Variants in AFF3 observed in about 807,000 individuals in gnomAD.
AFF3 encodes the protein ALF transcription elongation factor 3, also known as AF4/FMR2 family member 3.
AFF3 carries 32 observed loss-of-function variants against 129.7 expected under a neutral mutation model. The ratio of observed to expected loss-of-function variants is 0.25; its 90% confidence interval spans 0.19 to 0.33. AFF3 has a LOEUF of 0.33. Among genes scored for constraint, AFF3 ranks in the 10% least tolerant of loss-of-function variants. The probability of loss-of-function intolerance (pLI) is 1.00; values close to 1 mark genes in which losing one functional copy is unlikely to be tolerated. For synonymous variants in AFF3, 644 were observed against 635.4 expected (o/e 1.01, Z -0.20); for missense variants, 1,373 against 1,592.0 (o/e 0.86, Z 2.34).
intron 7 of AFF3, among the ~76,000 whole-genome samples, chr2:99,903,458 A>G (rs1440440776): frequency 1.3e-5 from 2 of 152,186 alleles, no homozygotes; most frequent in Non-Finnish European, 2.9e-5. Flanking sequence ...CAATTATAAA[A>G]TGATTGGCAC....
intron 7 of AFF3, among the ~76,000 whole-genome samples, chr2:99,977,553 T>C (rs1309727272): frequency 1.3e-5 from 2 of 152,264 alleles, no homozygotes; most frequent in African/African-American, 4.8e-5. Context: ...TTTTTCCTTC[T>C]TGAGGAAAGC....
chr2:100,090,359 T>C (rs1249758740), intron 4 of AFF3, among the ~76,000 whole-genome samples: 1 of 152,256 alleles, frequency 6.6e-6, no homozygotes, highest in African/African-American at 2.4e-5. Flanking sequence ...GTTGTTACCA[T>C]TGTCTTCATC....
intron 10 of AFF3, among the ~76,000 whole-genome samples, chr2:99,740,589 T>C (rs1041371865): frequency 2.2e-4 from 34 of 151,622 alleles, no homozygotes; most frequent in Non-Finnish European, 2.9e-4. Context: ...TTTCATGTGT[T>C]TTTTGGCTGC....
At chr2:99,838,998 G>C (rs1223522457) in intron 7 of AFF3, among the ~76,000 whole-genome samples, 1 of 146,556 alleles carries the variant, frequency 6.8e-6, no homozygotes, top group Non-Finnish European at 1.5e-5. Context: ...ACACATGATT[G>C]AGACCTTCTC....
intron 2 of AFF3, among the ~76,000 whole-genome samples, chr2:100,124,197 T>C (rs948970298): frequency 1.3e-5 from 2 of 152,172 alleles, no homozygotes; most frequent in African/African-American, 4.8e-5. Context: ...AAGATGCGTC[T>C]AGGAGATTTA....
chr2:99,796,615 G>T (rs965190217), intron 8 of AFF3, among the ~76,000 whole-genome samples: 7 of 152,166 alleles, frequency 4.6e-5, no homozygotes, highest in Admixed American at 3.3e-4. Flanking sequence ...GGGAGAACAA[G>T]TTGACTTGAG....
chr2:99,744,170 T>C, intron 9 of AFF3, 30 bp from the exon 10 acceptor site: 2 of 1,595,848 alleles, frequency 1.3e-6, no homozygotes, highest in African/African-American at 1.3e-5. Context: ...CAATTAATTT[T>C]CTTATTTTGA....
intron 4 of AFF3, among the ~76,000 whole-genome samples, chr2:100,050,082 T>C (rs1445044311): frequency 3.3e-5 from 5 of 151,658 alleles, no homozygotes; most frequent in Non-Finnish European, 5.9e-5. Flanking sequence ...CATGGTGGCA[T>C]GCGCCTGTAG....
At chr2:99,878,620 G>A (rs1438590419) in intron 7 of AFF3, among the ~76,000 whole-genome samples, 1 of 152,276 alleles carries the variant, frequency 6.6e-6, no homozygotes, top group African/African-American at 2.4e-5. Context: ...TGCATCTACT[G>A]AATTCATAAA....
chr2:99,554,269 G>A lies in AFF3; in HGVS notation c.3559+42C>T, dbSNP rs768745840. On this transcript the variant is annotated intron_variant, in intron 24 of 24. Coordinates refer to ENST00000672756, the MANE Select transcript of AFF3 (RefSeq NM_001386135.1). The stretch of plus-strand genomic sequence containing the variant: ...CGAGGCAGAAGAATCGCTTGAACCC[G>A]GGAGGCGGAAGCCCCTGGTTCCCCG... 8.7e-6 allele frequency: 14 copies of A among 1,604,674 alleles called. No homozygotes were observed. The African/African-American group carries it at 1.3e-4, about 15-fold the overall frequency.
At chr2:99,856,678 TA>T (rs1335821433) in intron 7 of AFF3, among the ~76,000 whole-genome samples, 1 of 152,132 alleles carries the variant, frequency 6.6e-6, no homozygotes, top group Admixed American at 6.5e-5. Context: ...ACAATCAGCT[TA>T]CAAAAAACCT....
intron 8 of AFF3, among the ~76,000 whole-genome samples, chr2:99,834,370 T>C (rs1409152424): frequency 6.6e-6 from 1 of 152,188 alleles, no homozygotes; most frequent in African/African-American, 2.4e-5. Context: ...GAAGCAGCTG[T>C]GAGGGTTAAA....
intron 8 of AFF3, among the ~76,000 whole-genome samples, chr2:99,772,237 G>C (rs1284571432): frequency 6.6e-6 from 1 of 152,180 alleles, no homozygotes; most frequent in Non-Finnish European, 1.5e-5. Flanking sequence ...CTGAGAGGCA[G>C]GGAAGGCAAA....
intron 7 of AFF3, among the ~76,000 whole-genome samples, chr2:99,985,642 A>G (rs998000836): frequency 6.6e-6 from 1 of 152,214 alleles, no homozygotes; most frequent in Non-Finnish European, 1.5e-5. Flanking sequence ...CCACAAACAA[A>G]ATGCTAAGCA....
intron 8 of AFF3, among the ~76,000 whole-genome samples, chr2:99,822,640 T>C (rs1375111743): frequency 6.6e-6 from 1 of 152,172 alleles, no homozygotes; most frequent in Non-Finnish European, 1.5e-5. Context: ...TCATTTCCAC[T>C]ATCCAAGGGC....
chr2:99,605,503 C>T (rs2105128967), intron 13 of AFF3, among the ~76,000 whole-genome samples: 1 of 152,326 alleles, frequency 6.6e-6, no homozygotes, highest in Non-Finnish European at 1.5e-5. Context: ...TGCATGGGGC[C>T]TTGGGGTCAG....
intron 4 of AFF3, among the ~76,000 whole-genome samples, chr2:100,013,774 G>C (rs1453042940): frequency 6.6e-6 from 1 of 152,176 alleles, no homozygotes; most frequent in African/African-American, 2.4e-5. Context: ...ACAAAGGATA[G>C]AAATCAGTCT....
chr2:99,899,261 A>G (rs1407757110), intron 7 of AFF3, among the ~76,000 whole-genome samples: 1 of 152,212 alleles, frequency 6.6e-6, no homozygotes, highest in East Asian at 1.9e-4. Flanking sequence ...TTTAAACTAC[A>G]GTTTTCTGAA....
chr2:99,874,838 A>G (rs1576247129), intron 7 of AFF3, among the ~76,000 whole-genome samples: 1 of 152,200 alleles, frequency 6.6e-6, no homozygotes, highest in African/African-American at 2.4e-5. Flanking sequence ...TAGGAAATAC[A>G]TTGAAATATT....
Sources: allele counts gnomAD v4.1 joint callset (sites outside exome capture counted in the v4.1 genomes callset), GRCh38; gene constraint gnomAD v4.1.1; transcripts MANE v1.5; gene names NCBI Gene and HGNC (gene_info 2026-07-23, HGNC 2026-07-21).